SPECC1: variants seen among roughly 807,000 people sequenced by gnomAD.
SPECC1 encodes the protein sperm antigen with calponin homology and coiled-coil domains 1.
In SPECC1, 62 loss-of-function variants were observed where a neutral mutation model predicts 104.1. That is an observed-to-expected ratio of 0.60 (90% CI 0.49 to 0.74). The LOEUF (loss-of-function observed/expected upper bound fraction) is 0.74. Ranked by LOEUF, SPECC1 falls within the 30% of genes least tolerant of loss-of-function variation. The pLI, the probability that SPECC1 is intolerant of heterozygous loss-of-function variation, is 0.00. For synonymous variants in SPECC1, 513 were observed against 501.6 expected, an observed-to-expected ratio of 1.02 and a Z score of -0.30; for missense variants, 1,306 against 1,310.5, an observed-to-expected ratio of 1.00 and a Z score of 0.05.
chr17:20,169,815 A>T (rs1004560803), intron 3 of SPECC1, among the ~76,000 whole-genome samples: 1 of 152,076 alleles, frequency 6.6e-6, no homozygotes, highest in African/African-American at 2.4e-5. Context: ...ACTTTTAAAC[A>T]TTTCTAACTC....
chr17:20,237,709 T>G (rs1214325206), intron 7 of SPECC1: 1 of 195,502 alleles, frequency 5.1e-6, no homozygotes, highest in Non-Finnish European at 1.1e-5. Context: ...CAAGGCAAAA[T>G]AGGAAGCCAT....
chr17:20,201,479 C>T (rs1434442231), intron 3 of SPECC1, among the ~76,000 whole-genome samples: 1 of 151,896 alleles, frequency 6.6e-6, no homozygotes, highest in African/African-American at 2.4e-5. Flanking sequence ...AAAACTCCAT[C>T]TCAAAAAAAT....
At chr17:20,303,078 T>A (rs1028681787) in intron 13 of SPECC1, among the ~76,000 whole-genome samples, 1 of 152,116 alleles carries the variant, frequency 6.6e-6, no homozygotes, top group Non-Finnish European at 1.5e-5. Context: ...TAGCCACTTA[T>A]ACACTATTGC....
At chr17:20,144,731 A>G (rs890187670) in intron 3 of SPECC1, among the ~76,000 whole-genome samples, 3 of 152,176 alleles carry the variant, frequency 2.0e-5, no homozygotes, top group African/African-American at 7.2e-5. Context: ...CAGCCTCCCA[A>G]ATAGCTGGGG....
chr17:20,182,537 T>G (rs1209367065), intron 3 of SPECC1, among the ~76,000 whole-genome samples: 1 of 152,236 alleles, frequency 6.6e-6, no homozygotes, highest in Admixed American at 6.5e-5. Context: ...TAGTTACAAG[T>G]ATTGTTGAAT....
chr17:20,209,312 T>C (rs1345315897), intron 4 of SPECC1, among the ~76,000 whole-genome samples: 1 of 152,162 alleles, frequency 6.6e-6, no homozygotes. Flanking sequence ...GTGAATATTA[T>C]TAAAAAGGAT....
chr17:20,263,317 A>G (rs908725543), intron 12 of SPECC1, among the ~76,000 whole-genome samples: 2 of 145,758 alleles, frequency 1.4e-5, no homozygotes, highest in African/African-American at 5.0e-5. Context: ...GCAGTTGAAC[A>G]ATGTGAACAC....
intron 10 of SPECC1, among the ~76,000 whole-genome samples, chr17:20,255,763 G>A (rs2039803202): frequency 6.6e-6 from 1 of 152,146 alleles, no homozygotes; most frequent in African/African-American, 2.4e-5. Context: ...ATAGAGACAG[G>A]GTCTCACTAA....
intron 3 of SPECC1, among the ~76,000 whole-genome samples, chr17:20,175,970 T>G (rs932943004): frequency 6.6e-6 from 1 of 152,254 alleles, no homozygotes; most frequent in Non-Finnish European, 1.5e-5. Context: ...ATTTTTTAAA[T>G]GAATTAGGCC....
rs998031465 is a variant in SPECC1 at position 20,314,922 on chromosome 17, C to T, written c.*857C>T. 6 of 232,334 alleles carry T rather than the reference C, an allele frequency of 2.6e-5. No individual in the cohort carries two copies. The highest frequency in any genetic ancestry group is 8.8e-5 in the African/African-American group (4 of 45,300). The allele number at this position is 232,334 out of a possible 1,614,324, so 14.4% of individuals were successfully genotyped here. A position where few individuals can be genotyped will look rare whatever the true frequency, so the allele number is the denominator to read the frequency against. On this transcript the variant is annotated 3_prime_UTR_variant, in exon 15 of 15. Coordinates refer to ENST00000395527, the MANE Select transcript of SPECC1 (RefSeq NM_001243439.2). ...GAGCCCCTGGCTGCTTTGCTGGAGT[C>T]CCTGGGAGGTGCCCCACACCTCTGC...
In SPECC1 at chr17:20,217,627, G is replaced by T. The variant is rs74651547; in HGVS notation, c.1864-9786G>T. Among the ~76,000 whole-genome samples, 448 of 152,292 alleles carry T rather than the reference G, an allele frequency of 2.9e-3. 19 individuals are homozygous for T. In the East Asian group the frequency reaches 0.083, roughly 28 times the overall value. On this transcript the variant is annotated intron_variant, in intron 4 of 14. Coordinates refer to ENST00000395527, the MANE Select transcript of SPECC1 (RefSeq NM_001243439.2). ...TGAGGACTCTACAACATGCAGCCAGGTAGTTATGCAGAAGGCCACAGTCTG... is the reference window on the plus strand; with the variant it reads ...TGAGGACTCTACAACATGCAGCCAGTTAGTTATGCAGAAGGCCACAGTCTG...
chr17:20,199,005 C>T (rs556951223), intron 3 of SPECC1, among the ~76,000 whole-genome samples: 72 of 151,740 alleles, frequency 4.7e-4, no homozygotes, highest in Non-Finnish European at 2.2e-4. Flanking sequence ...ATTTTCCCTC[C>T]GAACTTTGAA....
intron 9 of SPECC1, among the ~76,000 whole-genome samples, chr17:20,249,766 G>C (rs372248037): frequency 4.6e-5 from 7 of 152,050 alleles, no homozygotes; most frequent in African/African-American, 1.4e-4. Flanking sequence ...CTGAACTGAA[G>C]CACAGAGAAA....
chr17:20,107,166 A>AAAAAAAAAAAAAAAAC (rs2048259187), intron 2 of SPECC1, among the ~76,000 whole-genome samples: 1 of 148,794 alleles, frequency 6.7e-6, no homozygotes, highest in African/African-American at 2.5e-5. Context: ...AAAAAAAAAA[A>AAAAAAAAAAAAAAAAC]AAAGAAAAGA....
At chr17:20,025,588 C>T (rs1025199739) in intron 1 of SPECC1, among the ~76,000 whole-genome samples, 4 of 152,104 alleles carry the variant, frequency 2.6e-5, no homozygotes, top group African/African-American at 7.2e-5. Context: ...TGGATAATAC[C>T]GCATGTTATT....
At position 20,232,400 on chromosome 17, in the gene SPECC1, C is replaced by A. The variant is rs531957368; in HGVS notation, c.2346C>A (p.Ala782=). The A allele has an allele frequency of 1.2e-6, 2 of 1,606,740 alleles. No homozygotes were observed. The highest frequency in any genetic ancestry group is 2.7e-5 in the African/African-American group (2 of 74,938). Residue 782 remains alanine, a synonymous_variant, in exon 7 of 15, where the codon GCC becomes GCA. Coordinates refer to ENST00000395527, the MANE Select transcript of SPECC1 (RefSeq NM_001243439.2). ...GHGRVVTSRA[A]PPPVDEEPES... is the part of the protein sequence containing the mutation. ...GCAGGGTGGTCACCAGCAGAGCCGCCCCTCCGTGAGTCTGGTGGGCACCAG... is the reference window on the plus strand; with the variant it reads ...GCAGGGTGGTCACCAGCAGAGCCGCACCTCCGTGAGTCTGGTGGGCACCAG...
intron 4 of SPECC1, among the ~76,000 whole-genome samples, chr17:20,209,178 T>C (rs1008633559): frequency 1.3e-5 from 2 of 152,172 alleles, no homozygotes; most frequent in African/African-American, 4.8e-5. Flanking sequence ...CACTTGACTT[T>C]TTGCTGAGAA....
At chr17:20,136,609 G>A (rs1037144302) in intron 3 of SPECC1, among the ~76,000 whole-genome samples, 1 of 152,154 alleles carries the variant, frequency 6.6e-6, no homozygotes, top group Non-Finnish European at 1.5e-5. Context: ...CACCAGTGGT[G>A]GGGAATGTGG....
At chr17:20,199,383 GTTTTTTTTT>G (rs3077216) in intron 3 of SPECC1, among the ~76,000 whole-genome samples, 1 of 62,432 alleles carries the variant, frequency 1.6e-5, no homozygotes, top group African/African-American at 7.5e-5. Flanking sequence ...CACCGTGCTG[GTTTTTTTTT>G]TTTTTTTTTT....
Sources: gnomAD v4.1 joint callset for allele counts (sites outside exome capture counted in the v4.1 genomes callset) on GRCh38, gnomAD v4.1.1 for gene constraint, MANE v1.5 for transcripts, NCBI Gene and HGNC (gene_info 2026-07-23, HGNC 2026-07-21) for gene names.